The following GRM8 variants were observed in gnomAD, a reference collection of about 807,000 sequenced individuals.
The protein encoded by GRM8 is glutamate metabotropic receptor 8, also known as metabotropic glutamate receptor 8.
Under a neutral mutation model 87.2 loss-of-function variants are expected in GRM8, and 47 were observed. The ratio of observed to expected loss-of-function variants is 0.54; its 90% CI spans 0.43 to 0.69. The LOEUF is 0.69. GRM8 is among the 30% of genes least tolerant of loss of function. The probability of loss-of-function intolerance (pLI) is 0.00; values close to 1 mark genes in which losing one functional copy is unlikely to be tolerated. For missense variants in GRM8, 1,019 were observed against 1,139.2 expected, an observed-to-expected ratio of 0.89 and a Z score of 1.52; for synonymous variants, 396 against 404.5, an observed-to-expected ratio of 0.98 and a Z score of 0.25.
At chr7:127,181,964 C>A (rs1794462742) in intron 2 of GRM8, among the ~76,000 whole-genome samples, 2 of 152,062 alleles carry the variant, frequency 1.3e-5, no homozygotes, top group African/African-American at 4.8e-5. Flanking sequence ...AACCCAAAAG[C>A]AAATGCAATA....
chr7:126,695,614 G>T (rs190728146), intron 7 of GRM8, among the ~76,000 whole-genome samples: 22 of 152,252 alleles, frequency 1.4e-4, no homozygotes, highest in African/African-American at 5.1e-4. Flanking sequence ...TTCAGCAAAG[G>T]TCTTAATTGG....
intron 8 of GRM8, among the ~76,000 whole-genome samples, chr7:126,570,830 T>A (rs1479389954): frequency 6.6e-6 from 1 of 152,202 alleles, no homozygotes; most frequent in Admixed American, 6.5e-5. Context: ...TTGATTCACA[T>A]CTTCTTTCAT....
At chr7:126,775,479 G>GT (rs372733476) in intron 6 of GRM8, among the ~76,000 whole-genome samples, 3,333 of 104,620 alleles carry the variant, frequency 0.032, 134 homozygotes, top group African/African-American at 0.048. Context: ...TGACAAATAG[G>GT]TTTTTTTTTT....
In GRM8 at chr7:127,172,051, A is replaced by C. The variant is rs540995196; in HGVS notation, c.511-65339T>G. 2.0e-5 allele frequency among the ~76,000 whole-genome samples: 3 copies of C among 152,310 alleles called. No homozygotes were observed. In the South Asian group the frequency reaches 6.2e-4, roughly 32 times the overall value. On this transcript the variant is annotated intron_variant, in intron 2 of 10. Transcript: ENST00000339582. ...AAAAAAAAAAGAAACAAGTAAATTC[A>C]TCATTCCACATGATTAATGGAATTT... is the stretch of plus-strand genomic sequence containing the variant.
At chr7:127,100,969 G>A (rs1825187952) in intron 3 of GRM8, among the ~76,000 whole-genome samples, 1 of 152,170 alleles carries the variant, frequency 6.6e-6, no homozygotes. Context: ...CTCAGTTCCT[G>A]CTTGGCTCTA....
At chr7:126,609,054 C>A (rs1015534864) in intron 8 of GRM8, among the ~76,000 whole-genome samples, 1 of 152,034 alleles carries the variant, frequency 6.6e-6, no homozygotes, top group African/African-American at 2.4e-5. Flanking sequence ...AACACACAGA[C>A]ATACAAAAAA....
intron 7 of GRM8, among the ~76,000 whole-genome samples, chr7:126,659,034 G>GC (rs1385512354): frequency 8.4e-6 from 1 of 118,422 alleles, no homozygotes; most frequent in Non-Finnish European, 1.8e-5. Context: ...GTTGCGCCCC[G>GC]CCCCCCGCCC....
chr7:127,039,540 G>A (rs1187041865), intron 3 of GRM8, among the ~76,000 whole-genome samples: 1 of 151,364 alleles, frequency 6.6e-6, no homozygotes, highest in Non-Finnish European at 1.5e-5. Context: ...ACTCCTTGGG[G>A]AGGAAATGAG....
At chr7:126,595,504 T>C (rs11769638) in intron 8 of GRM8, among the ~76,000 whole-genome samples, 110,156 of 151,028 alleles carry the variant, frequency 0.73, 41,052 homozygotes, top group East Asian at 0.94. Context: ...CGGACTCAAG[T>C]AATCAGCCTG....
At chr7:127,162,060 T>C (rs1008037512) in intron 2 of GRM8, among the ~76,000 whole-genome samples, 4 of 152,350 alleles carry the variant, frequency 2.6e-5, no homozygotes, top group Admixed American at 2.0e-4. Context: ...TGTGTGATCC[T>C]TGATGGGTCC....
chr7:126,858,818 C>A (rs1211277629), intron 6 of GRM8, among the ~76,000 whole-genome samples: 1 of 152,214 alleles, frequency 6.6e-6, no homozygotes, highest in African/African-American at 2.4e-5. Flanking sequence ...TCTAGATTCA[C>A]AAATAAAGCC....
chr7:126,911,409 A>C (rs989119319), intron 3 of GRM8, among the ~76,000 whole-genome samples: 2 of 152,198 alleles, frequency 1.3e-5, no homozygotes, highest in African/African-American at 4.8e-5. Flanking sequence ...TGGCTCCAAT[A>C]TCTGAGTTGA....
chr7:126,679,666 C>T (rs1807337174), intron 7 of GRM8, among the ~76,000 whole-genome samples: 1 of 152,098 alleles, frequency 6.6e-6, no homozygotes, highest in South Asian at 2.1e-4. Context: ...GCTGAAAGAA[C>T]ATAAAATAGG....
At chr7:127,061,048 T>C (rs1222596413) in intron 3 of GRM8, among the ~76,000 whole-genome samples, 1 of 152,234 alleles carries the variant, frequency 6.6e-6, no homozygotes, top group African/African-American at 2.4e-5. Flanking sequence ...CTACCTTGTA[T>C]ACCTGAGACA....
chr7:126,505,530 G>A (rs1810319945), intron 9 of GRM8, among the ~76,000 whole-genome samples: 1 of 152,038 alleles, frequency 6.6e-6, no homozygotes, highest in South Asian at 2.1e-4. Flanking sequence ...AGGAGCAATT[G>A]CTCTGCAAAC....
At chr7:126,636,615 C>T (rs1430681918) in intron 7 of GRM8, among the ~76,000 whole-genome samples, 1 of 151,978 alleles carries the variant, frequency 6.6e-6, no homozygotes, top group Non-Finnish European at 1.5e-5. Context: ...GAAGATTCTG[C>T]AACCCCCTTT....
intron 8 of GRM8, among the ~76,000 whole-genome samples, chr7:126,540,524 A>G (rs188164339): frequency 2.4e-4 from 36 of 152,190 alleles, no homozygotes; most frequent in Non-Finnish European, 2.9e-5. Flanking sequence ...AATACCCCCC[A>G]AAACCAGAAA....
intron 7 of GRM8, among the ~76,000 whole-genome samples, chr7:126,679,407 C>A (rs908622312): frequency 2.6e-5 from 4 of 152,058 alleles, no homozygotes; most frequent in African/African-American, 9.7e-5. Context: ...AAAATTAGTA[C>A]AGAATTTAAG....
intron 3 of GRM8, chr7:127,091,150 C>T (rs1462417428): frequency 6.6e-6 from 1 of 152,338 alleles, no homozygotes; most frequent in Non-Finnish European, 1.5e-5. Context: ...GGATTCTCTC[C>T]TTCCTACAGG....
Sources: allele counts gnomAD v4.1 joint callset (sites outside exome capture counted in the v4.1 genomes callset), GRCh38; gene constraint gnomAD v4.1.1; transcripts MANE v1.5; gene names NCBI Gene and HGNC (gene_info 2026-07-23, HGNC 2026-07-21).